Variants in NTNG1 observed in about 807,000 individuals in gnomAD.
NTNG1 encodes netrin G1, also known as netrin-G1.
NTNG1 carries 16 observed loss-of-function variants against 54.0 expected under a neutral mutation model. The observed-to-expected ratio is 0.30, with a 90% CI of 0.20 to 0.45. The LOEUF (loss-of-function observed/expected upper bound fraction) is 0.45. Ranked by LOEUF, NTNG1 falls within the 20% of genes least tolerant of loss-of-function variation. The pLI is 1.00. For missense variants in NTNG1, 530 were observed against 678.7 expected, an observed-to-expected ratio of 0.78 and a Z score of 2.43; for synonymous variants, 255 against 263.1, an observed-to-expected ratio of 0.97 and a Z score of 0.30.
chr1:107,278,080 G>A (rs1443525981), intron 2 of NTNG1, among the ~76,000 whole-genome samples: 1 of 152,218 alleles, frequency 6.6e-6, no homozygotes, highest in East Asian at 1.9e-4. Context: ...TTGTCCATGA[G>A]CTCACTACTT....
At chr1:107,365,500 T>C (rs1670543508) in intron 3 of NTNG1, among the ~76,000 whole-genome samples, 1 of 152,038 alleles carries the variant, frequency 6.6e-6, no homozygotes, top group Non-Finnish European at 1.5e-5. Flanking sequence ...TGAATATATA[T>C]ATTCATTTGC....
chr1:107,364,780 T>G (rs1041783983), intron 3 of NTNG1, among the ~76,000 whole-genome samples: 2 of 152,174 alleles, frequency 1.3e-5, no homozygotes, highest in African/African-American at 4.8e-5. Flanking sequence ...TAAGAGTAGT[T>G]CCAAGTGCGA....
At chr1:107,462,856 C>T (rs778293984) in intron 7 of NTNG1, among the ~76,000 whole-genome samples, 1 of 152,172 alleles carries the variant, frequency 6.6e-6, no homozygotes, top group African/African-American at 2.4e-5. Flanking sequence ...ACATGCTGTG[C>T]CTGTTTTATA....
intron 1 of NTNG1, among the ~76,000 whole-genome samples, chr1:107,147,802 G>T (rs1654238621): frequency 6.6e-6 from 1 of 152,088 alleles, no homozygotes; most frequent in South Asian, 2.1e-4. Flanking sequence ...TGTCAAGATG[G>T]AAATATAATT....
intron 4 of NTNG1, among the ~76,000 whole-genome samples, chr1:107,406,451 C>A: frequency 6.6e-6 from 1 of 152,128 alleles, no homozygotes; most frequent in East Asian, 1.9e-4. Context: ...TCGATCCTCA[C>A]GGCAGCCCTA....
intron 1 of NTNG1, among the ~76,000 whole-genome samples, chr1:107,147,555 A>G (rs944898761): frequency 1.3e-5 from 2 of 152,148 alleles, no homozygotes; most frequent in African/African-American, 4.8e-5. Context: ...GCAAATCCAC[A>G]GGGACAGGCT....
intron 2 of NTNG1, among the ~76,000 whole-genome samples, chr1:107,187,251 G>A (rs1657529020): frequency 6.6e-6 from 1 of 151,786 alleles, no homozygotes; most frequent in African/African-American, 2.4e-5. Context: ...ATTTTTCATT[G>A]TTATACCCTA....
Position 107,234,380 on chromosome 1 carries a change from C to T in NTNG1, c.246+85541C>T, listed in dbSNP as rs1000325436. ...TCAAGTAATCTGCCCACCTCAGCCT[C>T]CCAAAGTGCTGGGATTACAGGCATG... On this transcript the variant is annotated intron_variant, in intron 2 of 7. Coordinates refer to ENST00000370068, the MANE Select transcript of NTNG1 (RefSeq NM_001113226.3). Among the ~76,000 whole-genome samples, 6 of 152,304 alleles carry T rather than the reference C, an allele frequency of 3.9e-5. No homozygotes were observed. In the East Asian group the frequency reaches 1.2e-3, roughly 29 times the overall value.
At chr1:107,213,460 CCGCA>C (rs1370399275) in intron 2 of NTNG1, among the ~76,000 whole-genome samples, 1 of 152,126 alleles carries the variant, frequency 6.6e-6, no homozygotes, top group African/African-American at 2.4e-5. Context: ...GAAGGCTGCT[CCGCA>C]AGCCTTAGTT....
chr1:107,394,672 G>A (rs1465164043), intron 3 of NTNG1, among the ~76,000 whole-genome samples: 1 of 152,132 alleles, frequency 6.6e-6, no homozygotes, highest in Non-Finnish European at 1.5e-5. Flanking sequence ...GAATAAGTCT[G>A]AATAGCAAAT....
At chr1:107,238,582 G>A (rs371530081) in intron 2 of NTNG1, among the ~76,000 whole-genome samples, 1 of 152,114 alleles carries the variant, frequency 6.6e-6, no homozygotes, top group Non-Finnish European at 1.5e-5. Context: ...CACAGTGGGA[G>A]GTAAATGAAT....
intron 2 of NTNG1, among the ~76,000 whole-genome samples, chr1:107,153,715 C>T (rs1654762543): frequency 6.6e-6 from 1 of 152,146 alleles, no homozygotes; most frequent in Non-Finnish European, 1.5e-5. Flanking sequence ...AATTACTCTA[C>T]CTGTTTTTTG....
chr1:107,146,881 T>C (rs907626202), intron 1 of NTNG1, among the ~76,000 whole-genome samples: 1 of 152,104 alleles, frequency 6.6e-6, no homozygotes, highest in Non-Finnish European at 1.5e-5. Context: ...CTTTATAAGA[T>C]TGTTTGAAGA....
chr1:107,480,990 T>C lies in NTNG1; in HGVS notation c.*150T>C. On this transcript the variant is annotated 3_prime_UTR_variant, in exon 8 of 8. Transcript: ENST00000370068. ...GAAGGCCTAACTGAACTAAGCCATA[T>C]TTATCACCCGTGGACAGCACATCCG... The C allele has an allele frequency of 1.6e-6, 1 of 621,486 alleles. No individual in the cohort carries two copies. Among genetic ancestry groups the C allele is most frequent in the Non-Finnish European group, 2.8e-6 (1 of 353,242 alleles). 38.5% of individuals were successfully genotyped at this position (621,486 alleles called of 1,614,324 possible).
chr1:107,467,208 G>A (rs532586670), intron 7 of NTNG1, among the ~76,000 whole-genome samples: 1 of 152,116 alleles, frequency 6.6e-6, no homozygotes, highest in Admixed American at 6.5e-5. Flanking sequence ...CAAGAGGTAA[G>A]CAGCTATTGA....
intron 5 of NTNG1, among the ~76,000 whole-genome samples, chr1:107,420,139 G>A (rs1674484294): frequency 6.6e-6 from 1 of 152,046 alleles, no homozygotes; most frequent in Admixed American, 6.6e-5. Context: ...AGCTGAACAA[G>A]ATTATGCATT....
chr1:107,359,602 T>C (rs1192981420), intron 3 of NTNG1, among the ~76,000 whole-genome samples: 1 of 152,148 alleles, frequency 6.6e-6, no homozygotes, highest in Admixed American at 6.5e-5. Context: ...TTTCTGTCTG[T>C]CCTTGGCAAG....
At chr1:107,237,150 G>A (rs769412366) in intron 2 of NTNG1, among the ~76,000 whole-genome samples, 6 of 152,176 alleles carry the variant, frequency 3.9e-5, no homozygotes, top group Non-Finnish European at 5.9e-5. Flanking sequence ...AGCAGAGGTG[G>A]TCTTAGATGG....
chr1:107,438,900 A>G (rs1465913501), intron 7 of NTNG1, among the ~76,000 whole-genome samples: 1 of 152,226 alleles, frequency 6.6e-6, no homozygotes, highest in African/African-American at 2.4e-5. Flanking sequence ...CCTCAGTTCC[A>G]GAACCTCACA....
Sources: allele counts gnomAD v4.1 joint callset (sites outside exome capture counted in the v4.1 genomes callset), GRCh38; gene constraint gnomAD v4.1.1; transcripts MANE v1.5; gene names NCBI Gene and HGNC (gene_info 2026-07-23, HGNC 2026-07-21).